The following DPP6 variants were observed in gnomAD, a reference collection of about 807,000 sequenced individuals.
The protein encoded by DPP6 is A-type potassium channel modulatory protein DPP6.
A neutral mutation model predicts 122.6 loss-of-function variants in DPP6; 69 were observed. The ratio of observed to expected loss-of-function variants is 0.56; its 90% CI spans 0.46 to 0.69. The LOEUF (loss-of-function observed/expected upper bound fraction) is 0.69, where lower values mean the gene tolerates loss of function less well. Ranked by LOEUF, DPP6 falls within the 30% of genes least tolerant of loss-of-function variation. The pLI is 0.00. For synonymous variants in DPP6, 418 were observed against 433.1 expected, an observed-to-expected ratio of 0.97 and a Z score of 0.43; for missense variants, 928 against 1,116.9, an observed-to-expected ratio of 0.83 and a Z score of 2.41.
chr7:154,652,410 T>G (rs913606530), intron 6 of DPP6, among the ~76,000 whole-genome samples: 4 of 35,242 alleles, frequency 1.1e-4, no homozygotes, highest in Non-Finnish European at 4.1e-4. Flanking sequence ...CTGTGGTTTT[T>G]TTTTTTTTTT....
intron 1 of DPP6, among the ~76,000 whole-genome samples, chr7:154,043,094 A>G (rs1167658675): frequency 6.6e-5 from 10 of 152,142 alleles, no homozygotes. Flanking sequence ...CAGTAGATTA[A>G]AAGTGAGTAC....
At chr7:153,846,142 G>A in the DPP6 span, among the ~76,000 whole-genome samples, 326 of 152,206 alleles carry the variant, frequency 2.1e-3, 2 homozygotes, top group African/African-American at 7.1e-3. Context: ...CCACATCTTC[G>A]TCAACATTTG....
intron 1 of DPP6, among the ~76,000 whole-genome samples, chr7:154,349,576 A>T (rs1476482831): frequency 6.6e-6 from 1 of 152,224 alleles, no homozygotes; most frequent in African/African-American, 2.4e-5. Context: ...GGGTATGCTA[A>T]GCTATGGATC....
intron 1 of DPP6, among the ~76,000 whole-genome samples, chr7:153,998,693 CCTGTAAGTGA>C (rs1269602217): frequency 6.6e-6 from 1 of 152,132 alleles, no homozygotes; most frequent in East Asian, 1.9e-4. Flanking sequence ...GGAACAGCTC[CCTGTAAGTGA>C]CATCTACCCA....
intron 1 of DPP6, among the ~76,000 whole-genome samples, chr7:154,023,216 C>T (rs1168786818): frequency 6.6e-6 from 1 of 151,608 alleles, no homozygotes; most frequent in East Asian, 1.9e-4. Flanking sequence ...TCTTTTGTAC[C>T]TTTAACCACA....
chr7:154,402,831 G>A (rs943993116), intron 1 of DPP6, among the ~76,000 whole-genome samples: 2 of 151,996 alleles, frequency 1.3e-5, no homozygotes, highest in Non-Finnish European at 2.9e-5. Flanking sequence ...CTCAGTGATA[G>A]TTTCCCAATA....
At chr7:154,850,698 T>C (rs1022377949) in intron 16 of DPP6, among the ~76,000 whole-genome samples, 2 of 152,226 alleles carry the variant, frequency 1.3e-5, no homozygotes, top group African/African-American at 4.8e-5. Flanking sequence ...TTTTAGGAAT[T>C]TATCCATTTC....
At chr7:153,793,323 A>T in the DPP6 span, among the ~76,000 whole-genome samples, 1 of 149,728 alleles carries the variant, frequency 6.7e-6, no homozygotes, top group Non-Finnish European at 1.5e-5. Flanking sequence ...GTGATGAGGA[A>T]CTTGTTGGGA....
chr7:154,831,621 C>A (rs1318814042), intron 16 of DPP6, among the ~76,000 whole-genome samples: 5 of 152,142 alleles, frequency 3.3e-5, no homozygotes, highest in Non-Finnish European at 7.3e-5. Flanking sequence ...AAAAAAATCT[C>A]TTGAAATCAG....
intron 5 of DPP6, among the ~76,000 whole-genome samples, chr7:154,609,637 A>G (rs944886337): frequency 4.6e-5 from 7 of 152,182 alleles, no homozygotes; most frequent in Non-Finnish European, 8.8e-5. Flanking sequence ...ATACATGAGC[A>G]CACACACATT....
intron 1 of DPP6, among the ~76,000 whole-genome samples, chr7:154,059,917 C>A (rs201631687): frequency 1.3e-5 from 2 of 148,856 alleles, no homozygotes; most frequent in African/African-American, 5.1e-5. Flanking sequence ...CAAATAAGCT[C>A]ATTCTTGGGC....
At chr7:154,228,190 A>AT (rs1296559654) in intron 1 of DPP6, among the ~76,000 whole-genome samples, 1 of 152,200 alleles carries the variant, frequency 6.6e-6, no homozygotes, top group African/African-American at 2.4e-5. Flanking sequence ...CTGACACTTC[A>AT]TTTTAAAAAC....
chr7:154,881,145 C>T, intron 21 of DPP6: 2 of 899,176 alleles, frequency 2.2e-6, no homozygotes, highest in Non-Finnish European at 1.5e-6. Context: ...TTTCTTTTTA[C>T]ATTATCTGGA....
At chr7:154,009,228 T>G (rs1266588043) in intron 1 of DPP6, among the ~76,000 whole-genome samples, 1 of 64,520 alleles carries the variant, frequency 1.5e-5, no homozygotes, top group Non-Finnish European at 3.0e-5. Flanking sequence ...TTCAGCCAGT[T>G]TCTCTGGGAG....
the DPP6 span, among the ~76,000 whole-genome samples, chr7:153,815,524 C>T: frequency 1.3e-5 from 2 of 151,952 alleles, no homozygotes; most frequent in Non-Finnish European, 2.9e-5. Context: ...CCCCGTCCCC[C>T]CACCCCACAG....
At chr7:154,166,371 G>A (rs1228971624) in intron 1 of DPP6, among the ~76,000 whole-genome samples, 1 of 152,142 alleles carries the variant, frequency 6.6e-6, no homozygotes, top group African/African-American at 2.4e-5. Context: ...CTTCTCAGAG[G>A]ATGAGAGAGT....
intron 1 of DPP6, among the ~76,000 whole-genome samples, chr7:154,323,500 G>C (rs1272637811): frequency 6.6e-6 from 1 of 152,182 alleles, no homozygotes; most frequent in Non-Finnish European, 1.5e-5. Context: ...TCCACAAAAG[G>C]TACATGTCTA....
chr7:154,018,509 G>C (rs538413564), intron 1 of DPP6, among the ~76,000 whole-genome samples: 84 of 152,308 alleles, frequency 5.5e-4, no homozygotes, highest in African/African-American at 1.7e-3. Context: ...GAACAGGCAA[G>C]TGTCCCTATA....
chr7:154,577,652 A>G (rs1831771290), intron 5 of DPP6, among the ~76,000 whole-genome samples: 1 of 152,176 alleles, frequency 6.6e-6, no homozygotes, highest in Non-Finnish European at 1.5e-5. Context: ...GTAAATGAAG[A>G]GAGAGTGGGT....
Sources: allele counts gnomAD v4.1 joint callset (sites outside exome capture counted in the v4.1 genomes callset), GRCh38; gene constraint gnomAD v4.1.1; transcripts MANE v1.5; gene names NCBI Gene and HGNC (gene_info 2026-07-23, HGNC 2026-07-21).